The following SUN5 variants were observed in gnomAD, a reference collection of about 807,000 sequenced individuals.
SUN5 encodes SUN domain-containing protein 5.
SUN5 carries 44 observed loss-of-function variants against 53.7 expected under a neutral mutation model. The observed-to-expected ratio is 0.82, with a 90% CI of 0.64 to 1.05. The LOEUF (loss-of-function observed/expected upper bound fraction) is 1.05, where lower values mean the gene tolerates loss of function less well. Ranked by LOEUF, SUN5 falls within the 50% of genes least tolerant of loss-of-function variation. SUN5 has a pLI of 0.00. For missense variants in SUN5, 433 were observed against 483.8 expected (o/e 0.90, Z 0.98); for synonymous variants, 166 against 179.8 (o/e 0.92, Z 0.62).
At chr20:32,997,540 G>T in intron 6 of SUN5, 98 bp downstream of exon 6, 1 of 1,366,544 alleles carries the variant, frequency 7.3e-7, no homozygotes, top group Non-Finnish European at 1.0e-6. Flanking sequence ...ACTGATGAGG[G>T]GCCCCATTTG....
intron 2 of SUN5, 57 bp downstream of exon 2, chr20:33,002,804 C>T (rs1455685971): frequency 6.2e-7 from 1 of 1,611,332 alleles, no homozygotes; most frequent in African/African-American, 1.3e-5. Flanking sequence ...TTTGACATCC[C>T]TGAGCCTCAG....
chr20:33,000,610 C>T (rs1989975235), intron 4 of SUN5, among the ~76,000 whole-genome samples: 4 of 151,966 alleles, frequency 2.6e-5, no homozygotes, highest in South Asian at 2.1e-4. Flanking sequence ...CCCAGCACTT[C>T]GGAAGGCTGA....
chr20:32,995,784 C>G, intron 7 of SUN5, 57 bp from the exon 8 acceptor site: 2 of 1,517,520 alleles, frequency 1.3e-6, no homozygotes, highest in Non-Finnish European at 1.8e-6. Context: ...TTGTTGTTAC[C>G]CTCAGATTTT....
chr20:32,997,824 T>C, intron 5 of SUN5, 137 bp from the exon 6 acceptor site: 1 of 780,788 alleles, frequency 1.3e-6, no homozygotes, highest in Non-Finnish European at 2.1e-6. Flanking sequence ...AATTACTTAA[T>C]GCTCTATGCC....
chr20:32,989,017 C>G (rs1036675375), intron 9 of SUN5, among the ~76,000 whole-genome samples: 2 of 152,030 alleles, frequency 1.3e-5, no homozygotes, highest in Non-Finnish European at 2.9e-5. Flanking sequence ...GCTCTGCCTC[C>G]CGGGTTTACC....
chr20:32,984,806 T>C (rs532516194), intron 12 of SUN5, among the ~76,000 whole-genome samples: 1 of 152,322 alleles, frequency 6.6e-6, no homozygotes, highest in African/African-American at 2.4e-5. Flanking sequence ...CCCTGCCCAA[T>C]GGGAACCTCT....
intron 6 of SUN5, 109 bp downstream of exon 6, chr20:32,997,529 A>G: frequency 8.6e-7 from 1 of 1,159,248 alleles, no homozygotes; most frequent in Admixed American, 2.1e-5. Context: ...TCAAGTCAGG[A>G]ACTGATGAGG....
At chr20:32,987,489 C>A (rs1297135207) in intron 10 of SUN5, among the ~76,000 whole-genome samples, 171 bp downstream of exon 10, 2 of 150,376 alleles carry the variant, frequency 1.3e-5, no homozygotes, top group Non-Finnish European at 3.0e-5. Context: ...GTAGCCCCCT[C>A]CTTCTGCTCC....
chr20:32,997,044 A>G (rs1165320044), intron 6 of SUN5, among the ~76,000 whole-genome samples: 1 of 152,200 alleles, frequency 6.6e-6, no homozygotes, highest in Non-Finnish European at 1.5e-5. Context: ...AAATTATCGG[A>G]GGAAAGAGGA....
intron 11 of SUN5, 114 bp downstream of exon 11, chr20:32,985,622 C>CATG (rs1723682215): frequency 1.5e-6 from 2 of 1,341,600 alleles, no homozygotes; most frequent in African/African-American, 1.5e-5. Context: ...AAGCTGCATT[C>CATG]AGCCCCTCCA....
At chr20:32,994,101 A>T (rs1317236134) in intron 8 of SUN5, among the ~76,000 whole-genome samples, 4 of 152,224 alleles carry the variant, frequency 2.6e-5, no homozygotes, top group Non-Finnish European at 5.9e-5. Context: ...TAAGTCTGCC[A>T]CTAAGACAGT....
intron 7 of SUN5, among the ~76,000 whole-genome samples, chr20:32,995,992 G>C (rs1352816945): frequency 6.6e-6 from 1 of 152,002 alleles, no homozygotes; most frequent in Non-Finnish European, 1.5e-5. Context: ...GCTGCCATCA[G>C]GTGGTGTCTT....
intron 3 of SUN5, among the ~76,000 whole-genome samples, chr20:33,001,671 C>CCTTCA (rs1990047055): frequency 7.8e-6 from 1 of 128,120 alleles, no homozygotes; most frequent in Non-Finnish European, 1.7e-5. Context: ...CCCTCCCTTC[C>CCTTCA]TTCCTTCTTT....
chr20:32,987,174 G>T (rs574689333), intron 10 of SUN5, among the ~76,000 whole-genome samples: 2 of 152,222 alleles, frequency 1.3e-5, no homozygotes, highest in Non-Finnish European at 2.9e-5. Context: ...GATCCTGGAG[G>T]GCTGAAGAGC....
chr20:32,999,736 A>G, intron 5 of SUN5: 1 of 597,498 alleles, frequency 1.7e-6, no homozygotes, highest in Non-Finnish European at 2.9e-6. Flanking sequence ...AAGCCAGTAT[A>G]TGTCAGTGGA....
rs1449931298 is a variant in SUN5 at position 32,985,200 on chromosome 20, C to T, written c.898-15G>A. On this transcript the variant is annotated splice_polypyrimidine_tract_variant and intron_variant, in intron 11 of 12. Transcript: ENST00000356173. Reference sequence around the variant, plus strand: ...CCCTCCATGCCCTGTGGAACCAGAACCAAGGTGAAGGCGTCAGATACAAGC... The same window carrying T: ...CCCTCCATGCCCTGTGGAACCAGAATCAAGGTGAAGGCGTCAGATACAAGC... 4 of 1,613,374 alleles carry T rather than the reference C, an allele frequency of 2.5e-6. No individual in the cohort carries two copies. The highest frequency in any genetic ancestry group is 1.1e-5 in the South Asian group (1 of 91,004).
chr20:32,993,463 T>C (rs1471165000), intron 8 of SUN5, among the ~76,000 whole-genome samples: 1 of 152,192 alleles, frequency 6.6e-6, no homozygotes, highest in African/African-American at 2.4e-5. Flanking sequence ...GAAGCAAAGT[T>C]CTTAATGGTG....
intron 9 of SUN5, among the ~76,000 whole-genome samples, chr20:32,989,215 A>G (rs776335091): frequency 6.6e-5 from 10 of 152,094 alleles, no homozygotes; most frequent in South Asian, 2.1e-4. Flanking sequence ...GTGAGCCACC[A>G]CACCTGGCCG....
chr20:32,995,499 C>A (rs1989821964), intron 8 of SUN5, 120 bp downstream of exon 8: 2 of 772,418 alleles, frequency 2.6e-6, no homozygotes, highest in Admixed American at 2.4e-5. Flanking sequence ...CTGAAAGTCA[C>A]TGGGGGATGT....
Sources: gnomAD v4.1 joint callset for allele counts (sites outside exome capture counted in the v4.1 genomes callset) on GRCh38, gnomAD v4.1.1 for gene constraint, MANE v1.5 for transcripts, NCBI Gene and HGNC (gene_info 2026-07-23, HGNC 2026-07-21) for gene names.